The following KRT31 variants were observed in gnomAD, a reference collection of about 807,000 sequenced individuals.
The protein encoded by KRT31 is keratin, type I cuticular Ha1.
A neutral mutation model predicts 40.8 loss-of-function variants in KRT31; 27 were observed. That is an observed-to-expected ratio of 0.66 (90% CI 0.49 to 0.91). KRT31 has a LOEUF of 0.91. KRT31 is among the 40% of genes least tolerant of loss of function. KRT31 has a pLI of 0.00. For missense variants in KRT31, 510 were observed against 544.1 expected (o/e 0.94, Z 0.62); for synonymous variants, 231 against 231.9 (o/e 1.00, Z 0.03).
At chr17:41,397,088 G>A in intron 1 of KRT31, 93 bp from the exon 2 acceptor site, 4 of 1,579,110 alleles carry the variant, frequency 2.5e-6, no homozygotes, top group East Asian at 4.5e-5. Context: ...AAATAAAAGA[G>A]GAAGCAAGAA....
intron 1 of KRT31, 29 bp downstream of exon 1, chr17:41,397,163 T>C (rs746329753): frequency 8.7e-6 from 14 of 1,608,802 alleles, no homozygotes; most frequent in Non-Finnish European, 1.2e-5. Context: ...CAAACTCTCT[T>C]GCTTGGAGAT....
Position 41,397,599 on chromosome 17 carries a change from A to G in KRT31, c.-60T>C. On this transcript the variant is annotated 5_prime_UTR_variant, in exon 1 of 7. Transcript: ENST00000251645. Reference sequence around the variant, plus strand: ...AGACAGAGTCTAAATTCTCCAAGCCACAGAGCTGTGGGTCTCCTTCCTCTA... The same window carrying G: ...AGACAGAGTCTAAATTCTCCAAGCCGCAGAGCTGTGGGTCTCCTTCCTCTA... 6.5e-7 allele frequency: 1 copy of G among 1,528,774 alleles called. No homozygotes were observed. The highest frequency in any genetic ancestry group is 1.4e-5 in the African/African-American group (1 of 73,024). The allele number at this position is 1,528,774 out of a possible 1,614,324, so 94.7% of individuals were successfully genotyped here.
At position 41,393,796 on chromosome 17, in the gene KRT31, G is replaced by A. The variant is rs2018172272; in HGVS notation, c.*220C>T. The A allele has an allele frequency of 3.8e-6, 2 of 521,454 alleles. No homozygotes were observed. The highest frequency in any genetic ancestry group is 7.6e-5 in the Admixed American group (2 of 26,338). 32.3% of individuals were successfully genotyped at this position (521,454 alleles called of 1,614,324 possible). A position where few individuals can be genotyped will look rare whatever the true frequency, so the allele number is the denominator to read the frequency against. On this transcript the variant is annotated 3_prime_UTR_variant, in exon 7 of 7. Transcript: ENST00000251645. ...TGGCACATCAGAGAGTTCTCTGGGT[G>A]AGCATAGGAAGGAACAGACCCCCAG... is the stretch of plus-strand genomic sequence containing the variant.
At chr17:41,394,808 C>A in intron 6 of KRT31, 40 bp downstream of exon 6, 1 of 1,611,038 alleles carries the variant, frequency 6.2e-7, no homozygotes, top group South Asian at 1.1e-5. Context: ...TACACTCACA[C>A]GTGCATCATT....
chr17:41,394,302 C>T, intron 6 of KRT31, 133 bp from the exon 7 acceptor site: 1 of 851,954 alleles, frequency 1.2e-6, no homozygotes, highest in South Asian at 1.6e-5. Flanking sequence ...GGCACAGACT[C>T]CCCTGCTACA....
At chr17:41,394,711 T>C (rs2144354968) in intron 6 of KRT31, 137 bp downstream of exon 6, 8 of 1,453,778 alleles carry the variant, frequency 5.5e-6, no homozygotes, top group East Asian at 2.4e-5. Flanking sequence ...GGCCATATTA[T>C]GTTGTCTGAG....
At position 41,397,368 on chromosome 17, in the gene KRT31, C is replaced by G; in HGVS notation, c.172G>C (p.Glu58Gln). The stretch of plus-strand genomic sequence containing the variant: ...CGGTCGTTCAGGAACTGCATAGTCT[C>G]CTTCTCGCTACCATTGAAGGAGCCC... ...CEGSFNGSEK[E>Q]TMQFLNDRLA... The change falls in exon 1 of 7, where the codon GAG becomes CAG. Residue 58 changes from glutamate to glutamine, a missense_variant. Glu to Gln is a conservative substitution (Grantham distance 29, BLOSUM62 2). Transcript: ENST00000251645. 6.2e-7 allele frequency: 1 copy of G among 1,613,308 alleles called. No homozygotes were observed. Among genetic ancestry groups the G allele is most frequent in the Non-Finnish European group, 8.5e-7 (1 of 1,180,052 alleles).
Position 41,395,518 on chromosome 17 carries a change from A to G in KRT31, c.694T>C (p.Tyr232His). Residue 232 changes from tyrosine to histidine, a missense_variant, in exon 4 of 7, where the codon TAT (tyrosine) becomes CAT (histidine). Transcript: ENST00000251645. ...NRVLNETRSQ[Y>H]EALVETNRRE... Reference sequence around the variant, plus strand: ...CGGTTGGTTTCCACCAGGGCCTCATACTGACTCCTGGTCTCGTTCAGCACC... The same window carrying G: ...CGGTTGGTTTCCACCAGGGCCTCATGCTGACTCCTGGTCTCGTTCAGCACC... 3 of 1,614,136 alleles carry G rather than the reference A, an allele frequency of 1.9e-6. No homozygotes were observed. Among genetic ancestry groups the G allele is most frequent in the Non-Finnish European group, 1.7e-6 (2 of 1,180,014 alleles).
intron 3 of KRT31, 33 bp downstream of exon 3, chr17:41,396,387 A>T: frequency 1.9e-6 from 3 of 1,603,266 alleles, no homozygotes; most frequent in Non-Finnish European, 2.6e-6. Context: ...AGAGGCTGAG[A>T]CAGGTTTGTG....
intron 3 of KRT31, 66 bp from the exon 4 acceptor site, chr17:41,395,689 G>C: frequency 6.5e-7 from 1 of 1,533,722 alleles, no homozygotes; most frequent in Non-Finnish European, 8.9e-7. Context: ...GAATGGCATT[G>C]CTTGTTGAAA....
At chr17:41,395,652 T>A in intron 3 of KRT31, 29 bp from the exon 4 acceptor site, 1 of 1,605,554 alleles carries the variant, frequency 6.2e-7, no homozygotes, top group East Asian at 2.2e-5. Flanking sequence ...CAAGAGTTAC[T>A]ATGCTCAGCA....
rs1490350219 is a variant in KRT31 at position 41,397,245 on chromosome 17, G to C, written c.295C>G (p.Leu99Val). Residue 99 changes from leucine (L) to valine (V), a missense_variant, in exon 1 of 7, where the codon CTG (leucine) becomes GTG (valine). Transcript: ENST00000251645. ...RERSQQQEPL[L>V]CPSYQSYFKT... Reference sequence around the variant, plus strand: ...AAATAGGACTGGTAACTGGGGCACAGCAAGGGCTCCTGCTGCTGAGACCGC... The same window carrying C: ...AAATAGGACTGGTAACTGGGGCACACCAAGGGCTCCTGCTGCTGAGACCGC... 6.2e-7 allele frequency: 1 copy of C among 1,614,242 alleles called. No homozygotes were observed. The highest frequency in any genetic ancestry group is 8.5e-7 in the Non-Finnish European group (1 of 1,180,040).
chr17:41,397,458 T>C lies in KRT31; in HGVS notation c.82A>G (p.Ser28Gly), dbSNP rs776421873. 11 of 1,612,998 alleles carry C rather than the reference T, an allele frequency of 6.8e-6. No homozygotes were observed. Among genetic ancestry groups the C allele is most frequent in the Middle Eastern group, 1.9e-4 (1 of 5,398 alleles). Residue 28 changes from serine to glycine, a missense_variant, in exon 1 of 7, where the codon AGC becomes GGC. Physicochemically the swap from Ser to Gly is moderately conservative, Grantham distance 56 (BLOSUM62 0). Coordinates refer to ENST00000251645, the MANE Select transcript of KRT31 (RefSeq NM_002277.3). The part of the protein sequence containing the change: ...SRPCVPPSCH[S>G]CTLPGACNIP... ...TTGCAGGCCCCGGGCAGGGTGCAGCTGTGGCAGCTGGGGGGCACGCAGGGC... is the reference window on the plus strand; with the variant it reads ...TTGCAGGCCCCGGGCAGGGTGCAGCCGTGGCAGCTGGGGGGCACGCAGGGC...
intron 6 of KRT31, 174 bp downstream of exon 6, chr17:41,394,674 T>C: frequency 1.2e-6 from 1 of 817,140 alleles, no homozygotes; most frequent in Non-Finnish European, 1.5e-6. Context: ...CAACTCTTGC[T>C]ACCAAACCAT....
chr17:41,395,021 G>A lies in KRT31; in HGVS notation c.924C>T (p.Ser308=). The A allele has an allele frequency of 3.7e-6, 6 of 1,614,268 alleles. No homozygotes were observed. Among genetic ancestry groups the A allele is most frequent in the South Asian group, 2.2e-5 (2 of 91,088 alleles). Residue 308 remains serine, a synonymous_variant, in exon 6 of 7, where the codon AGC becomes AGT. Coordinates refer to ENST00000251645, the MANE Select transcript of KRT31 (RefSeq NM_002277.3). ...GGCTCTGCACCTGGGACAGCTGGGAGCTGTAGCGGGCCTCACTCTCTGTCA... is the reference window on the plus strand; with the variant it reads ...GGCTCTGCACCTGGGACAGCTGGGAACTGTAGCGGGCCTCACTCTCTGTCA... ...NTLTESEARY[S]SQLSQVQSLI... is the part of the protein sequence containing the mutation.
chr17:41,394,706 T>C (rs576058444), intron 6 of KRT31, 142 bp downstream of exon 6: 256 of 1,422,784 alleles, frequency 1.8e-4, no homozygotes, highest in Non-Finnish European at 2.3e-4. Context: ...ATGATGGCCA[T>C]ATTATGTTGT....
chr17:41,395,563 G>T lies in KRT31; in HGVS notation c.649C>A (p.Pro217Thr). ...DRLNVEVDAA[P>T]TVDLNRVLNE... ...AGCACCCGATTCAGGTCCACAGTGG[G>T]AGCAGCATCCACCTCCACATTGAGG... Residue 217 changes from proline (P) to threonine (T), a missense_variant, in exon 4 of 7, where the codon CCC becomes ACC. Physicochemically the swap from Pro to Thr is conservative, Grantham distance 38. Transcript: ENST00000251645. The T allele has an allele frequency of 6.2e-7, 1 of 1,614,200 alleles. No individual in the cohort carries two copies. The highest frequency in any genetic ancestry group is 8.5e-7 in the Non-Finnish European group (1 of 1,180,034).
rs1444305287 is a variant in KRT31 at position 41,394,696 on chromosome 17, A to C, written c.1097+152T>G. The C allele has an allele frequency of 1.0e-5, 14 of 1,384,116 alleles. No homozygotes were observed. In the Admixed American group the frequency reaches 3.6e-4, roughly 36 times the overall value. 85.7% of individuals were successfully genotyped at this position (1,384,116 alleles called of 1,614,324 possible). On this transcript the variant is annotated intron_variant, in intron 6 of 6. Coordinates refer to ENST00000251645, the MANE Select transcript of KRT31 (RefSeq NM_002277.3). ...TGCTACCAAACCATTTATGTTTTAA[A>C]TGATGGCCATATTATGTTGTCTGAG...
intron 5 of KRT31, 57 bp downstream of exon 5, chr17:41,395,188 C>T: frequency 6.2e-7 from 1 of 1,611,802 alleles, no homozygotes; most frequent in East Asian, 2.2e-5. Context: ...AAGCACATCC[C>T]CGGGACTCTG....
Sources: gnomAD v4.1 joint callset for allele counts on GRCh38, gnomAD v4.1.1 for gene constraint, MANE v1.5 for transcripts, NCBI Gene and HGNC (gene_info 2026-07-23, HGNC 2026-07-21) for gene names.